The following DENND1B variants were observed in gnomAD, a reference collection of about 807,000 sequenced individuals.
The protein encoded by DENND1B is DENN domain-containing protein 1B.
Under a neutral mutation model 90.1 loss-of-function variants are expected in DENND1B, and 59 were observed. The ratio of observed to expected loss-of-function variants is 0.65; its 90% CI spans 0.53 to 0.81. The LOEUF (loss-of-function observed/expected upper bound fraction) is 0.81. Ranked by LOEUF, DENND1B falls within the 40% of genes least tolerant of loss-of-function variation. DENND1B has a pLI of 0.00. For missense variants in DENND1B, 862 were observed against 912.6 expected, an observed-to-expected ratio of 0.94 and a Z score of 0.71; for synonymous variants, 337 against 324.6, an observed-to-expected ratio of 1.04 and a Z score of -0.41.
At chr1:197,756,280 T>C (rs1654274839) in intron 2 of DENND1B, among the ~76,000 whole-genome samples, 2 of 152,154 alleles carry the variant, frequency 1.3e-5, no homozygotes, top group Admixed American at 1.3e-4. Context: ...ACAATTAGAA[T>C]ATGCTTTTAT....
intron 20 of DENND1B, among the ~76,000 whole-genome samples, chr1:197,525,270 T>C (rs1244955625): frequency 6.6e-6 from 1 of 152,128 alleles, no homozygotes; most frequent in African/African-American, 2.4e-5. Context: ...TGGTCTTTAA[T>C]ATTTGAAAAT....
At chr1:197,624,158 G>A (rs1298988895) in intron 10 of DENND1B, among the ~76,000 whole-genome samples, 1 of 151,620 alleles carries the variant, frequency 6.6e-6, no homozygotes, top group Non-Finnish European at 1.5e-5. Context: ...GACACTATCT[G>A]AGTTCAAAAC....
intron 10 of DENND1B, among the ~76,000 whole-genome samples, chr1:197,617,981 A>T (rs1443805219): frequency 6.6e-6 from 1 of 151,200 alleles, no homozygotes; most frequent in Non-Finnish European, 1.5e-5. Flanking sequence ...TCATGTAGAT[A>T]GTTATAATCA....
rs1206823127 is a variant in DENND1B at position 197,506,672 on chromosome 1, T to G, written c.*3788A>C. ...TTAATTAAGAAACAATTCATTAGAA[T>G]TCCTGAATCCTATTATTAGGATATT... On this transcript the variant is annotated 3_prime_UTR_variant, in exon 23 of 23. Transcript: ENST00000620048. 1 of 151,644 alleles carries G rather than the reference T, an allele frequency of 6.6e-6. No homozygotes were observed. The highest frequency in any genetic ancestry group is 1.9e-4 in the East Asian group (1 of 5,142). 9.4% of individuals were successfully genotyped at this position (151,644 alleles called of 1,614,324 possible). A position where few individuals can be genotyped will look rare whatever the true frequency, so the allele number is the denominator to read the frequency against.
At chr1:197,682,437 T>G (rs1055458324) in intron 3 of DENND1B, among the ~76,000 whole-genome samples, 1 of 152,220 alleles carries the variant, frequency 6.6e-6, no homozygotes, top group Non-Finnish European at 1.5e-5. Flanking sequence ...GTTCCACTCA[T>G]ATATTTACAA....
intron 6 of DENND1B, 59 bp downstream of exon 6, chr1:197,658,241 G>A (rs1654048777): frequency 9.7e-6 from 13 of 1,338,612 alleles, no homozygotes; most frequent in Non-Finnish European, 1.4e-5. Context: ...GGTTAAAATG[G>A]TAAGTTTTGT....
At chr1:197,512,974 T>A in intron 20 of DENND1B, 21 bp from the exon 21 acceptor site, 1 of 1,593,010 alleles carries the variant, frequency 6.3e-7, no homozygotes, top group Non-Finnish European at 8.6e-7. Flanking sequence ...AGATTGACAA[T>A]AAATTGGCAT....
At chr1:197,629,026 A>G (rs963324974) in intron 10 of DENND1B, among the ~76,000 whole-genome samples, 2 of 152,124 alleles carry the variant, frequency 1.3e-5, no homozygotes, top group Admixed American at 1.3e-4. Context: ...GTCAGGAAAC[A>G]ACAGGTGCTG....
chr1:197,622,592 T>C (rs1247319512), intron 10 of DENND1B, among the ~76,000 whole-genome samples: 1 of 151,464 alleles, frequency 6.6e-6, no homozygotes. Context: ...GAGAAATCTA[T>C]GATAGACAGA....
At chr1:197,745,583 A>G (rs1390734539) in intron 2 of DENND1B, among the ~76,000 whole-genome samples, 3 of 148,832 alleles carry the variant, frequency 2.0e-5, no homozygotes, top group Non-Finnish European at 4.4e-5. Context: ...CAATAACATC[A>G]AAGATCACTG....
At chr1:197,755,832 C>T (rs1327984861) in intron 2 of DENND1B, among the ~76,000 whole-genome samples, 1 of 152,086 alleles carries the variant, frequency 6.6e-6, no homozygotes, top group Admixed American at 6.5e-5. Context: ...ACCATCAGAT[C>T]CTGTGAGACC....
intron 8 of DENND1B, among the ~76,000 whole-genome samples, chr1:197,646,062 C>T (rs985677291): frequency 1.3e-5 from 2 of 151,644 alleles, no homozygotes; most frequent in African/African-American, 2.4e-5. Flanking sequence ...TACATATACA[C>T]GTATGTGTAT....
intron 2 of DENND1B, among the ~76,000 whole-genome samples, chr1:197,767,434 T>A (rs77005794): frequency 0.011 from 1,699 of 152,258 alleles, 37 homozygotes; most frequent in African/African-American, 0.038. Flanking sequence ...CTTAAGGCTC[T>A]AATTTAACAA....
intron 16 of DENND1B, among the ~76,000 whole-genome samples, chr1:197,548,413 T>C (rs200090682): frequency 1.3e-5 from 2 of 152,262 alleles, no homozygotes; most frequent in East Asian, 3.9e-4. Flanking sequence ...AGCTTCTTCA[T>C]TCATCAAATA....
chr1:197,666,905 C>T lies in DENND1B; in HGVS notation c.296+5132G>A, dbSNP rs1020563990. 3.3e-5 allele frequency among the ~76,000 whole-genome samples: 5 copies of T among 152,198 alleles called. 1 individual carries two copies. In the South Asian group the frequency reaches 1.0e-3, roughly 32 times the overall value. ...GGGGGCAGTGGCTCACGCCTGTAAT[C>T]CCAACACTTTGGGAGTTCAGGCGAT... is the stretch of plus-strand genomic sequence containing the variant. On this transcript the variant is annotated intron_variant, in intron 5 of 22. Transcript: ENST00000620048.
chr1:197,727,814 T>TA (rs898454136), intron 2 of DENND1B, among the ~76,000 whole-genome samples: 15 of 152,056 alleles, frequency 9.9e-5, no homozygotes, highest in Admixed American at 6.6e-5. Flanking sequence ...TATGTTCCAC[T>TA]AAAAAAAGAC....
chr1:197,770,833 T>C (rs1295239771), intron 2 of DENND1B, among the ~76,000 whole-genome samples: 2 of 96,736 alleles, frequency 2.1e-5, no homozygotes, highest in Admixed American at 2.2e-4. Context: ...AATATATATC[T>C]ATAAATATAT....
chr1:197,628,265 A>AC (rs1274654944), intron 10 of DENND1B, among the ~76,000 whole-genome samples: 1 of 152,192 alleles, frequency 6.6e-6, no homozygotes, highest in Non-Finnish European at 1.5e-5. Flanking sequence ...ATGCTACCTG[A>AC]CTTCAAACTA....
At chr1:197,748,822 G>A (rs1653066924) in intron 2 of DENND1B, among the ~76,000 whole-genome samples, 1 of 152,118 alleles carries the variant, frequency 6.6e-6, no homozygotes, top group Non-Finnish European at 1.5e-5. Context: ...AAGCCACTAT[G>A]TTTATGGTAA....
Sources: gnomAD v4.1 joint callset for allele counts (sites outside exome capture counted in the v4.1 genomes callset) on GRCh38, gnomAD v4.1.1 for gene constraint, MANE v1.5 for transcripts, NCBI Gene and HGNC (gene_info 2026-07-23, HGNC 2026-07-21) for gene names.